The following KCNQ1 variants were observed in gnomAD, a reference collection of about 807,000 sequenced individuals.
KCNQ1 encodes the protein potassium voltage-gated channel subfamily KQT member 1.
Under a neutral mutation model 72.4 loss-of-function variants are expected in KCNQ1, and 49 were observed. The observed-to-expected ratio is 0.68, with a 90% CI of 0.54 to 0.86. KCNQ1 has a LOEUF of 0.86. Among genes scored for constraint, KCNQ1 ranks in the 40% least tolerant of loss-of-function variants. The pLI is 0.00. For synonymous variants in KCNQ1, 450 were observed against 412.6 expected, an observed-to-expected ratio of 1.09 and a Z score of -1.10; for missense variants, 790 against 945.1, an observed-to-expected ratio of 0.84 and a Z score of 2.15.
rs1051210159 is a variant in KCNQ1, at chr11:2,698,551, C to T, written c.1514+36470C>T. 5.0e-6 allele frequency: 2 copies of T among 398,416 alleles called. No homozygotes were observed. Among genetic ancestry groups the T allele is most frequent in the East Asian group, 7.1e-5 (2 of 28,074 alleles). The allele number at this position is 398,416 out of a possible 1,614,324, so 24.7% of individuals were successfully genotyped here. ...CCAACTCAGACTGCAACCTTTACTT[C>T]GCCCCCTAATTCCTGACTCAGAATC... On this transcript the variant is annotated intron_variant, in intron 11 of 15. Coordinates refer to ENST00000155840, the MANE Select transcript of KCNQ1 (RefSeq NM_000218.3). This position sits in a 1 kb window ranked among gnomAD's most constrained non-coding sequence, Gnocchi z 5.1.
rs1367662550 is a variant in KCNQ1, at chr11:2,566,970, C to T, written c.478-3658C>T. Among the ~76,000 whole-genome samples the T allele has an allele frequency of 6.9e-6, 1 of 144,518 alleles. No individual in the cohort carries two copies. The highest frequency in any genetic ancestry group is 2.6e-5 in the African/African-American group (1 of 38,774). The allele number at this position is 144,518 out of a possible 152,430, so 94.8% of individuals were successfully genotyped here. A position where few individuals can be genotyped will look rare whatever the true frequency, so the allele number is the denominator to read the frequency against. On this transcript the variant is annotated intron_variant, in intron 2 of 15. Coordinates refer to ENST00000155840, the MANE Select transcript of KCNQ1 (RefSeq NM_000218.3). The surrounding 1 kb of genome is among the most constrained non-coding windows in gnomAD (Gnocchi z 6.7). ...AGCTGGCCTGAGAAGGGTGGGGTAA[C>T]CTAGGGGGTGGAGTGGGGGAGGGAG...
rs1449567504 is a variant in KCNQ1, at chr11:2,601,703, G to A, written c.1393+12849G>A. On this transcript the variant is annotated intron_variant, in intron 10 of 15. Coordinates refer to ENST00000155840, the MANE Select transcript of KCNQ1 (RefSeq NM_000218.3). This position sits in a 1 kb window ranked among gnomAD's most constrained non-coding sequence, Gnocchi z 5.2. ...CTTAGAAACGGGGTCTTTTGGCTCG[G>A]CATCATTCTCTGGATTCATTCCGGT... Among the ~76,000 whole-genome samples the A allele has an allele frequency of 6.6e-6, 1 of 152,156 alleles. No individual in the cohort carries two copies. The highest frequency in any genetic ancestry group is 2.4e-5 in the African/African-American group (1 of 41,424).
In KCNQ1 at chr11:2,450,177, C is replaced by G. The variant is rs1846102828; in HGVS notation, c.386+4693C>G. Among the ~76,000 whole-genome samples, 1 of 152,230 alleles carries G rather than the reference C, an allele frequency of 6.6e-6. No homozygotes were observed. The highest frequency in any genetic ancestry group is 2.4e-5 in the African/African-American group (1 of 41,466). On this transcript the variant is annotated intron_variant, in intron 1 of 15. Transcript: ENST00000155840. This position sits in a 1 kb window ranked among gnomAD's most constrained non-coding sequence, Gnocchi z 7.9. ...CGATATCTTGCTGTGATTCAAGACT[C>G]TGTCCACGGGCAAGAACAACAAGGC...
intron 1 of KCNQ1, among the ~76,000 whole-genome samples, chr11:2,525,924 A>C (rs1336355149): frequency 6.6e-6 from 1 of 152,164 alleles, no homozygotes; most frequent in African/African-American, 2.4e-5. Flanking sequence ...CTCATGGTCT[A>C]GGGGGTGGAC....
In KCNQ1 at chr11:2,450,368, G is replaced by A. The variant is rs577673800; in HGVS notation, c.386+4884G>A. Among the ~76,000 whole-genome samples the A allele has an allele frequency of 3.3e-5, 5 of 152,328 alleles. No homozygotes were observed. Among genetic ancestry groups the A allele is most frequent in the African/African-American group, 9.6e-5 (4 of 41,582 alleles). ...GAGCATGGTGTCGGCCCGGGGAGAT[G>A]CCGCAGAGAAGCTTCCAGAAGCCCA... On this transcript the variant is annotated intron_variant, in intron 1 of 15. Coordinates refer to ENST00000155840, the MANE Select transcript of KCNQ1 (RefSeq NM_000218.3). This position sits in a 1 kb window ranked among gnomAD's most constrained non-coding sequence, Gnocchi z 7.9.
chr11:2,646,542 T>G, intron 10 of KCNQ1: 1 of 398,566 alleles, frequency 2.5e-6, no homozygotes. Context: ...GGCAGGGGAG[T>G]GCAGACAGGG....
At chr11:2,561,046 C>CA (rs1331559197) in intron 2 of KCNQ1, among the ~76,000 whole-genome samples, 2 of 151,424 alleles carry the variant, frequency 1.3e-5, no homozygotes, top group Non-Finnish European at 2.9e-5. Flanking sequence ...ACTAAAAATA[C>CA]AAAAAATTAG....
At chr11:2,634,168 C>G (rs1181616024) in intron 10 of KCNQ1, 1 of 392,086 alleles carries the variant, frequency 2.6e-6, no homozygotes, top group Non-Finnish European at 4.5e-6. Context: ...TTTTCTCTCT[C>G]TCTCCCTTTT....
rs1233289074 is a variant in KCNQ1 at position 2,508,732 on chromosome 11, C to T, written c.387-19196C>T. Among the ~76,000 whole-genome samples the T allele has an allele frequency of 6.6e-6, 1 of 152,164 alleles. No homozygotes were observed. Among genetic ancestry groups the T allele is most frequent in the Non-Finnish European group, 1.5e-5 (1 of 68,026 alleles). On this transcript the variant is annotated intron_variant, in intron 1 of 15. Coordinates refer to ENST00000155840, the MANE Select transcript of KCNQ1 (RefSeq NM_000218.3). This position sits in a 1 kb window ranked among gnomAD's most constrained non-coding sequence, Gnocchi z 6.2. ...CCACCTGGCTTCCTCTATAGAAACT[C>T]CCCGAATGGGAGGGATGGGAAAGAC...
intron 11 of KCNQ1, among the ~76,000 whole-genome samples, chr11:2,732,656 G>A (rs950805270): frequency 2.0e-5 from 3 of 152,380 alleles, no homozygotes; most frequent in Admixed American, 6.5e-5. Flanking sequence ...CAGCAGTTGC[G>A]TGAGCAGGAA....
At chr11:2,660,540 CAA>C (rs1284100722) in intron 10 of KCNQ1, 1 of 398,418 alleles carries the variant, frequency 2.5e-6, no homozygotes, top group Non-Finnish European at 4.4e-6. Flanking sequence ...AAAATTCCTA[CAA>C]AGTGATAAGC....
rs1401506257 is a variant in KCNQ1, at chr11:2,781,859, G to A, written c.1794+3822G>A. On this transcript the variant is annotated intron_variant, in intron 15 of 15. Transcript: ENST00000155840. This position sits in a 1 kb window ranked among gnomAD's most constrained non-coding sequence, Gnocchi z 6.6. ...TGCCGCAGTTCAGAAAGCGTTGGGC[G>A]GGAAGGGGCCCCCACCACCTGACAC... 6.6e-6 allele frequency among the ~76,000 whole-genome samples: 1 copy of A among 152,128 alleles called. No homozygotes were observed. The highest frequency in any genetic ancestry group is 6.5e-5 in the Admixed American group (1 of 15,280).
intron 1 of KCNQ1, among the ~76,000 whole-genome samples, chr11:2,514,609 G>A (rs1181958401): frequency 6.6e-6 from 1 of 152,216 alleles, no homozygotes; most frequent in Non-Finnish European, 1.5e-5. Flanking sequence ...AGGGGATCAC[G>A]AGGTCAGGAG....
chr11:2,658,201 A>G lies in KCNQ1; in HGVS notation c.1394-3760A>G. The G allele has an allele frequency of 2.5e-6, 1 of 398,586 alleles. No homozygotes were observed. 24.7% of individuals were successfully genotyped at this position (398,586 alleles called of 1,614,324 possible). A position where few individuals can be genotyped will look rare whatever the true frequency, so the allele number is the denominator to read the frequency against. On this transcript the variant is annotated intron_variant, in intron 10 of 15. Coordinates refer to ENST00000155840, the MANE Select transcript of KCNQ1 (RefSeq NM_000218.3). This position sits in a 1 kb window ranked among gnomAD's most constrained non-coding sequence, Gnocchi z 4.9. Reference sequence around the variant, plus strand: ...TGAAGTTTCTGAGTTTCACTAACTAATTTCAGCATTCATTCATGGATCGTT... The same window carrying G: ...TGAAGTTTCTGAGTTTCACTAACTAGTTTCAGCATTCATTCATGGATCGTT...
intron 15 of KCNQ1, among the ~76,000 whole-genome samples, chr11:2,842,876 G>T (rs1848242736): frequency 6.6e-6 from 1 of 152,242 alleles, no homozygotes; most frequent in Non-Finnish European, 1.5e-5. Flanking sequence ...TCCTCCTGGG[G>T]AAGGTGCTAC....
chr11:2,712,210 C>G lies in KCNQ1; in HGVS notation c.1514+50129C>G, dbSNP rs1851018771. On this transcript the variant is annotated intron_variant, in intron 11 of 15. Coordinates refer to ENST00000155840, the MANE Select transcript of KCNQ1 (RefSeq NM_000218.3). This position sits in a 1 kb window ranked among gnomAD's most constrained non-coding sequence, Gnocchi z 6.4. ...CCGGCTCTCTATTCATCCACACCCC[C>G]TGCATTTATTGAGTGCCTTCTGGGT... 6.6e-6 allele frequency among the ~76,000 whole-genome samples: 1 copy of G among 152,156 alleles called. No homozygotes were observed. The highest frequency in any genetic ancestry group is 2.4e-5 in the African/African-American group (1 of 41,434).
rs1283447673 is a variant in KCNQ1 at position 2,518,297 on chromosome 11, C to T, written c.387-9631C>T. Among the ~76,000 whole-genome samples the T allele has an allele frequency of 3.3e-5, 5 of 152,236 alleles. No homozygotes were observed. The East Asian group carries it at 7.7e-4, about 23-fold the overall frequency. Reference sequence around the variant, plus strand: ...GGCAGGGAAGCCCAGGCCAGGGCCTCCGCAGAAGGAGGGTTTGGGGTCCAG... The same window carrying T: ...GGCAGGGAAGCCCAGGCCAGGGCCTTCGCAGAAGGAGGGTTTGGGGTCCAG... On this transcript the variant is annotated intron_variant, in intron 1 of 15. Transcript: ENST00000155840.
At chr11:2,804,395 C>T (rs1169667667) in intron 15 of KCNQ1, among the ~76,000 whole-genome samples, 1 of 152,232 alleles carries the variant, frequency 6.6e-6, no homozygotes, top group Non-Finnish European at 1.5e-5. Flanking sequence ...TGGTCAAGCC[C>T]ATCTGTGAAC....
chr11:2,692,908 T>G (rs1043356479), intron 11 of KCNQ1: 10 of 398,018 alleles, frequency 2.5e-5, no homozygotes, highest in African/African-American at 1.4e-4. Flanking sequence ...TAAAATCAAC[T>G]GTAGCATGGC....
Sources: gnomAD v4.1 joint callset for allele counts (sites outside exome capture counted in the v4.1 genomes callset) on GRCh38, gnomAD v4.1.1 for gene constraint, Gnocchi (gnomAD v3.1) non-coding constraint, MANE v1.5 for transcripts, NCBI Gene and HGNC (gene_info 2026-07-23, HGNC 2026-07-21) for gene names.